The following ICA1 variants were observed in gnomAD, a reference collection of about 807,000 sequenced individuals.
ICA1 encodes 69 kDa islet cell autoantigen.
ICA1 carries 40 observed loss-of-function variants against 71.0 expected under a neutral mutation model. The ratio of observed to expected loss-of-function variants is 0.56; its 90% CI spans 0.44 to 0.73. The LOEUF (loss-of-function observed/expected upper bound fraction) is 0.73. Ranked by LOEUF, ICA1 falls within the 30% of genes least tolerant of loss-of-function variation. ICA1 has a pLI of 0.00. For missense variants in ICA1, 578 were observed against 576.5 expected, an observed-to-expected ratio of 1.00 and a Z score of -0.03; for synonymous variants, 207 against 209.5, an observed-to-expected ratio of 0.99 and a Z score of 0.10.
intron 6 of ICA1, among the ~76,000 whole-genome samples, chr7:8,180,118 C>T (rs1338495687): frequency 1.3e-5 from 2 of 151,860 alleles, no homozygotes; most frequent in Non-Finnish European, 2.9e-5. Flanking sequence ...CCACATTAAC[C>T]ACCACCCAGA....
intron 6 of ICA1, among the ~76,000 whole-genome samples, chr7:8,161,167 C>A (rs1027585490): frequency 6.6e-6 from 1 of 152,072 alleles, no homozygotes; most frequent in Non-Finnish European, 1.5e-5. Context: ...ACTAGGGTGT[C>A]TATAAAGCTG....
At position 8,173,369 on chromosome 7, in the gene ICA1, C is replaced by T. The variant is rs1162106152; in HGVS notation, c.580-14717G>A. Among the ~76,000 whole-genome samples the T allele has an allele frequency of 1.3e-5, 2 of 152,034 alleles. No homozygotes were observed. The highest frequency in any genetic ancestry group is 1.9e-4 in the East Asian group (1 of 5,198). On this transcript the variant is annotated intron_variant, in intron 6 of 13. Coordinates refer to ENST00000402384, the MANE Select transcript of ICA1 (RefSeq NM_001136020.3). This position sits in a 1 kb window ranked among gnomAD's most constrained non-coding sequence, Gnocchi z 4.0. ...GCATCAATGAAGTTAATATTGGCAA[C>T]GATTAAAACACATCAAATATATCCA...
intron 1 of ICA1, among the ~76,000 whole-genome samples, chr7:8,238,316 T>A (rs988209416): frequency 6.6e-6 from 1 of 152,220 alleles, no homozygotes; most frequent in Non-Finnish European, 1.5e-5. Context: ...TTTCCATTTT[T>A]AAAAATAATA....
chr7:8,244,159 T>C (rs1583730663), intron 1 of ICA1, among the ~76,000 whole-genome samples: 1 of 152,170 alleles, frequency 6.6e-6, no homozygotes, highest in Non-Finnish European at 1.5e-5. Context: ...CTTCAAACTA[T>C]ACTACAAAGC....
intron 12 of ICA1, among the ~76,000 whole-genome samples, chr7:8,133,462 C>G (rs750233876): frequency 3.9e-5 from 6 of 152,178 alleles, no homozygotes; most frequent in Non-Finnish European, 8.8e-5. Flanking sequence ...TAGGGTTTTA[C>G]TTTGTTGCCC....
intron 6 of ICA1, among the ~76,000 whole-genome samples, chr7:8,163,351 A>T (rs1325205239): frequency 6.6e-6 from 1 of 152,212 alleles, no homozygotes; most frequent in South Asian, 2.1e-4. Context: ...CATTTTTCTA[A>T]GAGTTTTATT....
At chr7:8,258,403 T>C (rs1331149335) in intron 1 of ICA1, among the ~76,000 whole-genome samples, 1 of 152,232 alleles carries the variant, frequency 6.6e-6, no homozygotes, top group African/African-American at 2.4e-5. Context: ...TCATGAGTGA[T>C]GCAGGCCATC....
In ICA1 at chr7:8,173,226, A is replaced by G. The variant is rs774259094; in HGVS notation, c.580-14574T>C. On this transcript the variant is annotated intron_variant, in intron 6 of 13. Transcript: ENST00000402384. The surrounding 1 kb of genome is among the most constrained non-coding windows in gnomAD (Gnocchi z 4.0). ...ATTCCAGGACTAGGGAAGGAAATAC[A>G]TAAGATGATTCTGAAATATTCGGTT... Among the ~76,000 whole-genome samples the G allele has an allele frequency of 2.4e-4, 36 of 152,204 alleles. No individual in the cohort carries two copies. Among genetic ancestry groups the G allele is most frequent in the Non-Finnish European group, 4.9e-4 (33 of 68,030 alleles).
intron 3 of ICA1, among the ~76,000 whole-genome samples, chr7:8,230,268 T>C (rs866934931): frequency 1.3e-5 from 2 of 152,240 alleles, no homozygotes; most frequent in African/African-American, 4.8e-5. Context: ...AATATTTCTA[T>C]ATTAACTTTC....
chr7:8,154,057 A>C (rs1800629705), intron 8 of ICA1, among the ~76,000 whole-genome samples: 1 of 151,878 alleles, frequency 6.6e-6, no homozygotes, highest in African/African-American at 2.4e-5. Flanking sequence ...AAATCTATTT[A>C]TTATAAAAAA....
At chr7:8,133,535 C>T (rs1446993697) in intron 12 of ICA1, among the ~76,000 whole-genome samples, 1 of 152,190 alleles carries the variant, frequency 6.6e-6, no homozygotes, top group Non-Finnish European at 1.5e-5. Flanking sequence ...AGGCATGAGC[C>T]CTTTTCCTTA....
At chr7:8,261,832 G>C (rs1356694152) in intron 1 of ICA1, among the ~76,000 whole-genome samples, 3 of 152,162 alleles carry the variant, frequency 2.0e-5, no homozygotes, top group Non-Finnish European at 2.9e-5. Flanking sequence ...CCGCTCCCCC[G>C]GGGCTGACGC....
At chr7:8,182,529 G>A (rs181437398) in intron 6 of ICA1, among the ~76,000 whole-genome samples, 1 of 152,152 alleles carries the variant, frequency 6.6e-6, no homozygotes, top group Non-Finnish European at 1.5e-5. Flanking sequence ...CAACCATTGG[G>A]ATGTTCCAAA....
intron 8 of ICA1, among the ~76,000 whole-genome samples, chr7:8,154,073 AATG>A (rs973336384): frequency 1.3e-5 from 2 of 152,060 alleles, no homozygotes; most frequent in African/African-American, 4.8e-5. Context: ...AAAAAATTAA[AATG>A]ATGAAGGAAT....
intron 1 of ICA1, among the ~76,000 whole-genome samples, chr7:8,246,035 C>T (rs138367827): frequency 0.013 from 2,028 of 152,300 alleles, 13 homozygotes; most frequent in Non-Finnish European, 0.023. Flanking sequence ...GAAGCTATTT[C>T]TCCACTTCTG....
intron 8 of ICA1, among the ~76,000 whole-genome samples, chr7:8,154,872 G>C (rs577385984): frequency 3.3e-5 from 5 of 152,008 alleles, no homozygotes; most frequent in African/African-American, 9.7e-5. Flanking sequence ...TACTTATATC[G>C]ATCTAATAGT....
intron 6 of ICA1, among the ~76,000 whole-genome samples, chr7:8,211,867 G>T (rs887042631): frequency 7.2e-5 from 11 of 152,158 alleles, no homozygotes; most frequent in African/African-American, 2.7e-4. Context: ...CTCTGCCATG[G>T]TATTGTGAAA....
At chr7:8,245,923 C>A (rs991121334) in intron 1 of ICA1, among the ~76,000 whole-genome samples, 1 of 152,074 alleles carries the variant, frequency 6.6e-6, no homozygotes, top group Non-Finnish European at 1.5e-5. Flanking sequence ...TAACAATGTC[C>A]CCTTAATGAA....
chr7:8,212,297 G>C (rs1022223571), intron 6 of ICA1, among the ~76,000 whole-genome samples: 1 of 152,192 alleles, frequency 6.6e-6, no homozygotes, highest in Non-Finnish European at 1.5e-5. Flanking sequence ...AGGCACTGTG[G>C]CTCACACCTG....
Sources: allele counts gnomAD v4.1 joint callset (sites outside exome capture counted in the v4.1 genomes callset), GRCh38; gene constraint gnomAD v4.1.1; non-coding constraint Gnocchi (gnomAD v3.1); transcripts MANE v1.5; gene names NCBI Gene and HGNC (gene_info 2026-07-23, HGNC 2026-07-21).